Variants in MMP2 observed in about 807,000 individuals in gnomAD.
MMP2 encodes matrix metallopeptidase 2, also known as 72 kDa type IV collagenase.
In MMP2, 39 loss-of-function variants were observed where a neutral mutation model predicts 74.8. That is an observed-to-expected ratio of 0.52 (90% confidence interval 0.40 to 0.68). The LOEUF (loss-of-function observed/expected upper bound fraction) is 0.68. Among genes scored for constraint, MMP2 ranks in the 30% least tolerant of loss-of-function variants. The pLI is 0.00. For missense variants in MMP2, 803 were observed against 878.3 expected (o/e 0.91, Z 1.08); for synonymous variants, 367 against 339.8 (o/e 1.08, Z -0.88).
chr16:55,481,722 AGACC>A (rs1962107965), intron 1 of MMP2: 2 of 640,660 alleles, frequency 3.1e-6, no homozygotes, highest in Non-Finnish European at 5.8e-6. Context: ...CTCTGGACTT[AGACC>A]GCTTGGCTTC....
At chr16:55,482,223 G>GCTCAGTTTGGGC (rs1962122822) in intron 1 of MMP2, among the ~76,000 whole-genome samples, 1 of 152,184 alleles carries the variant, frequency 6.6e-6, no homozygotes, top group Non-Finnish European at 1.5e-5. Context: ...GCAGGGACCT[G>GCTCAGTTTGGGC]CTCAGTTTGG....
intron 5 of MMP2, among the ~76,000 whole-genome samples, chr16:55,486,346 C>CGTGTGTGTGTGTGTGTGTGTGTGTGT (rs1555491716): frequency 2.3e-5 from 1 of 43,726 alleles, no homozygotes; most frequent in African/African-American, 6.6e-5. Context: ...TGTGTGTGTG[C>CGTGTGTGTGTGTGTGTGTGTGTGTGT]CTGTGTGTGT....
chr16:55,491,978 G>T, intron 8 of MMP2, 22 bp downstream of exon 8: 1 of 1,587,330 alleles, frequency 6.3e-7, no homozygotes, highest in South Asian at 1.1e-5. Flanking sequence ...GGCGGGGGTT[G>T]GGGGTGGAGG....
At chr16:55,481,999 C>A in intron 1 of MMP2, 2 of 554,302 alleles carry the variant, frequency 3.6e-6, no homozygotes, top group Non-Finnish European at 6.6e-6. Flanking sequence ...GATCTCCTGG[C>A]TCCTTTCAAC....
chr16:55,480,022 G>A lies in MMP2; in HGVS notation c.153+390G>A, dbSNP rs922823334. 4.1e-5 allele frequency: 10 copies of A among 243,028 alleles called. No individual in the cohort carries two copies. In the Admixed American group the frequency reaches 5.4e-4, roughly 13 times the overall value. 15.1% of individuals were successfully genotyped at this position (243,028 alleles called of 1,614,324 possible). ...TTGTAAACAACTTTTGGACACATCT[G>A]GGCAGTTGCTAAGGGCTCTTGCCAA... On this transcript the variant is annotated intron_variant, in intron 1 of 12. Coordinates refer to ENST00000219070, the MANE Select transcript of MMP2 (RefSeq NM_004530.6).
chr16:55,493,827 G>A (rs1466067403), intron 9 of MMP2, among the ~76,000 whole-genome samples: 2 of 152,222 alleles, frequency 1.3e-5, no homozygotes, highest in East Asian at 1.9e-4. Context: ...TTCTAGAATG[G>A]CGTTGCCCTC....
At chr16:55,502,936 G>A in intron 12 of MMP2, 48 bp downstream of exon 12, 1 of 1,464,578 alleles carries the variant, frequency 6.8e-7, no homozygotes, top group Non-Finnish European at 9.5e-7. Context: ...CCCGCCCCTA[G>A]CCAGGGCCCA....
At chr16:55,505,095 G>A (rs986994765) in intron 12 of MMP2, among the ~76,000 whole-genome samples, 1 of 151,994 alleles carries the variant, frequency 6.6e-6, no homozygotes, top group Non-Finnish European at 1.5e-5. Context: ...TGGACTACAG[G>A]AATGTACCAC....
At chr16:55,500,488 T>TGCGCA (rs1374145231) in intron 11 of MMP2, among the ~76,000 whole-genome samples, 26 of 74,792 alleles carry the variant, frequency 3.5e-4, no homozygotes, top group African/African-American at 1.4e-3. Flanking sequence ...TGTGCGCATG[T>TGCGCA]GCGCATACAC....
In MMP2 at chr16:55,481,635, G is replaced by T. The variant is rs1962102807; in HGVS notation, c.154-1274G>T. 18 of 494,306 alleles carry T rather than the reference G, an allele frequency of 3.6e-5. 1 individual carries two copies. The South Asian group carries it at 7.1e-4, about 19-fold the overall frequency. The allele number at this position is 494,306 out of a possible 1,614,324, so 30.6% of individuals were successfully genotyped here. A position where few individuals can be genotyped will look rare whatever the true frequency, so the allele number is the denominator to read the frequency against. ...ACCCAGCCCCCCACTCAAGATGGAG[G>T]TGCCTGGTTTGAACACCTCTGACAA... On this transcript the variant is annotated intron_variant, in intron 1 of 12. Transcript: ENST00000219070.
rs2142359049 is a variant in MMP2 at position 55,491,962 on chromosome 16, C to A, written c.1336+6C>A. Reference sequence around the variant, plus strand: ...GGGCATTCAGGAGCTCTATGGTAAACCTCCGGGCGGGGGTTGGGGGTGGAG... The same window carrying A: ...GGGCATTCAGGAGCTCTATGGTAAAACTCCGGGCGGGGGTTGGGGGTGGAG... On this transcript the variant is annotated splice_donor_region_variant and intron_variant, in intron 8 of 12. Transcript: ENST00000219070. The A allele has an allele frequency of 1.9e-6, 3 of 1,612,860 alleles. No homozygotes were observed. The highest frequency in any genetic ancestry group is 2.5e-6 in the Non-Finnish European group (3 of 1,179,310).
At chr16:55,503,001 C>G (rs1962709459) in intron 12 of MMP2, 113 bp downstream of exon 12, 1 of 847,468 alleles carries the variant, frequency 1.2e-6, no homozygotes, top group Non-Finnish European at 1.9e-6. Flanking sequence ...CAGGCGGCGC[C>G]CAGGAAAACA....
At chr16:55,484,192 G>A in intron 3 of MMP2, 28 bp downstream of exon 3, 3 of 1,611,316 alleles carry the variant, frequency 1.9e-6, no homozygotes, top group South Asian at 1.1e-5. Flanking sequence ...CAGAAGAGGG[G>A]CCAGCAGGGA....
chr16:55,488,818 G>GATGTCTTAGCACCCCTGTCTT, intron 6 of MMP2, 102 bp downstream of exon 6: 1 of 1,256,722 alleles, frequency 8.0e-7, no homozygotes, highest in Non-Finnish European at 1.1e-6. Flanking sequence ...CCCCAAGACA[G>GATGTCTTAGCACCCCTGTCTT]GGGTGCTAAG....
At chr16:55,504,328 AC>A (rs1424657008) in intron 12 of MMP2, among the ~76,000 whole-genome samples, 1 of 152,146 alleles carries the variant, frequency 6.6e-6, no homozygotes, top group Non-Finnish European at 1.5e-5. Context: ...GTCAAATAAA[AC>A]CCATCTGTGG....
At chr16:55,480,801 T>C (rs1962080820) in intron 1 of MMP2, among the ~76,000 whole-genome samples, 1 of 152,138 alleles carries the variant, frequency 6.6e-6, no homozygotes, top group African/African-American at 2.4e-5. Flanking sequence ...ACTCTCACCC[T>C]TCCAAACAGC....
intron 11 of MMP2, among the ~76,000 whole-genome samples, chr16:55,499,325 T>G (rs1353099152): frequency 1.3e-5 from 2 of 152,066 alleles, no homozygotes; most frequent in Admixed American, 1.3e-4. Flanking sequence ...GATGGTGGAA[T>G]GGGGGTTCCA....
Position 55,482,917 on chromosome 16 carries a change from G to A in MMP2, c.162G>A (p.Leu54=). ...KTDKELAVQY[L]NTFYGCPKES... is the part of the protein sequence containing the mutation. ...GTGTGCATTTCTTTCAGCAATACCT[G>A]AACACCTTCTATGGCTGCCCCAAGG... is the stretch of plus-strand genomic sequence containing the variant. Residue 54 remains leucine (L), a synonymous_variant, in exon 2 of 13, where the codon CTG becomes CTA. Coordinates refer to ENST00000219070, the MANE Select transcript of MMP2 (RefSeq NM_004530.6). 6.2e-7 allele frequency: 1 copy of A among 1,614,128 alleles called. No homozygotes were observed. Among genetic ancestry groups the A allele is most frequent in the Non-Finnish European group, 8.5e-7 (1 of 1,179,978 alleles).
At chr16:55,502,057 C>T (rs1301910885) in intron 11 of MMP2, among the ~76,000 whole-genome samples, 2 of 152,158 alleles carry the variant, frequency 1.3e-5, no homozygotes, top group Non-Finnish European at 2.9e-5. Flanking sequence ...GAATTAAAGG[C>T]GGGGCCCAGG....
Sources: allele counts gnomAD v4.1 joint callset (sites outside exome capture counted in the v4.1 genomes callset), GRCh38; gene constraint gnomAD v4.1.1; transcripts MANE v1.5; gene names NCBI Gene and HGNC (gene_info 2026-07-23, HGNC 2026-07-21).